The following FBLN5 variants were observed in gnomAD, a reference collection of about 807,000 sequenced individuals.
FBLN5 encodes fibulin 5, also known as fibulin-5.
In FBLN5, 24 loss-of-function variants were observed where a neutral mutation model predicts 61.6. The observed-to-expected ratio is 0.39, with a 90% CI of 0.28 to 0.55. The LOEUF is 0.55. Among genes scored for constraint, FBLN5 ranks in the 20% least tolerant of loss-of-function variants. The pLI, the probability that FBLN5 is intolerant of heterozygous loss-of-function variation, is 0.65. For missense variants in FBLN5, 470 were observed against 594.1 expected (o/e 0.79, Z 2.17); for synonymous variants, 213 against 219.8 (o/e 0.97, Z 0.27).
chr14:91,872,226 T>A (rs1888970884), intron 10 of FBLN5, among the ~76,000 whole-genome samples: 1 of 152,204 alleles, frequency 6.6e-6, no homozygotes, highest in African/African-American at 2.4e-5. Flanking sequence ...GGGCTTCCAT[T>A]CAGGTATTTC....
At position 91,947,165 on chromosome 14, in the gene FBLN5, A is replaced by ATCTCC; in HGVS notation, c.17+47_17+48insGGAGA. On this transcript the variant is annotated intron_variant, in intron 1 of 10. Coordinates refer to ENST00000342058, the MANE Select transcript of FBLN5 (RefSeq NM_006329.4). The surrounding 1 kb of genome is among the most constrained non-coding windows in gnomAD (Gnocchi z 4.3). ...ATTTTCCACCCATCGGATTTTTAGC[A>ATCTCC]AGGCTTCCAGACCCTGGAGAAAGAA... 1 of 1,613,664 alleles carries ATCTCC rather than the reference A, an allele frequency of 6.2e-7. No individual in the cohort carries two copies. The highest frequency in any genetic ancestry group is 8.5e-7 in the Non-Finnish European group (1 of 1,179,582).
rs759056069 is a variant in FBLN5 at position 91,891,207 on chromosome 14, T to A, written c.619+14A>T. On this transcript the variant is annotated intron_variant, in intron 6 of 10. Coordinates refer to ENST00000342058, the MANE Select transcript of FBLN5 (RefSeq NM_006329.4). Reference sequence around the variant, plus strand: ...GTCTCACATCATGTCCAAGTTATCATGCACGTCACATACCTTGGCAAGACC... The same window carrying A: ...GTCTCACATCATGTCCAAGTTATCAAGCACGTCACATACCTTGGCAAGACC... 5.6e-6 allele frequency: 8 copies of A among 1,421,398 alleles called. No individual in the cohort carries two copies. In the Admixed American group the frequency reaches 1.3e-4, roughly 24 times the overall value. 88.0% of individuals were successfully genotyped at this position (1,421,398 alleles called of 1,614,324 possible). A position where few individuals can be genotyped will look rare whatever the true frequency, so the allele number is the denominator to read the frequency against.
intron 3 of FBLN5, 140 bp from the exon 4 acceptor site, chr14:91,937,341 A>G: frequency 9.4e-7 from 1 of 1,064,640 alleles, no homozygotes; most frequent in Non-Finnish European, 1.4e-6. Flanking sequence ...GCGGTAAGGT[A>G]CCCCAAATGT....
At chr14:91,932,514 C>G (rs1431722206) in intron 4 of FBLN5, among the ~76,000 whole-genome samples, 2 of 152,130 alleles carry the variant, frequency 1.3e-5, no homozygotes, top group Non-Finnish European at 2.9e-5. Context: ...GGGTCCAAAC[C>G]CTAGAAAAAG....
chr14:91,878,430 C>A (rs751144268), intron 9 of FBLN5, among the ~76,000 whole-genome samples: 1 of 152,174 alleles, frequency 6.6e-6, no homozygotes, highest in Non-Finnish European at 1.5e-5. Flanking sequence ...ACCCCTAACA[C>A]CCCCTTCCTC....
intron 1 of FBLN5, among the ~76,000 whole-genome samples, chr14:91,946,556 C>T (rs1312907822): frequency 6.6e-6 from 1 of 152,108 alleles, no homozygotes; most frequent in African/African-American, 2.4e-5. Flanking sequence ...CAGACACATA[C>T]ATACGCACAC....
At chr14:91,931,794 T>C (rs2055928694) in intron 4 of FBLN5, among the ~76,000 whole-genome samples, 2 of 151,770 alleles carry the variant, frequency 1.3e-5, no homozygotes, top group Non-Finnish European at 2.9e-5. Flanking sequence ...GTTGACAGAG[T>C]TGAGTGGCGG....
At chr14:91,929,073 GT>G (rs2055878874) in intron 4 of FBLN5, among the ~76,000 whole-genome samples, 1 of 116,564 alleles carries the variant, frequency 8.6e-6, no homozygotes, top group South Asian at 2.8e-4. Flanking sequence ...AAAAGACCCT[GT>G]CTCAAAACAC....
chr14:91,879,504 A>G (rs919993699), intron 9 of FBLN5, among the ~76,000 whole-genome samples: 6 of 152,196 alleles, frequency 3.9e-5, no homozygotes, highest in Non-Finnish European at 7.3e-5. Context: ...GCGTCATGCC[A>G]GAGACTCCAC....
intron 4 of FBLN5, among the ~76,000 whole-genome samples, chr14:91,896,961 T>G (rs1234058028): frequency 6.6e-6 from 1 of 152,168 alleles, no homozygotes; most frequent in African/African-American, 2.4e-5. Flanking sequence ...AACGTTCAAC[T>G]GGGTGAGCAG....
intron 10 of FBLN5, among the ~76,000 whole-genome samples, chr14:91,872,833 A>C (rs1364663990): frequency 6.6e-6 from 1 of 152,206 alleles, no homozygotes; most frequent in Non-Finnish European, 1.5e-5. Flanking sequence ...CAGCCTTTAC[A>C]TATACAAATA....
chr14:91,944,809 T>TG (rs2056159067), intron 1 of FBLN5, among the ~76,000 whole-genome samples: 1 of 152,124 alleles, frequency 6.6e-6, no homozygotes, highest in African/African-American at 2.4e-5. Context: ...GAGGGGAAGA[T>TG]GGGGAATTGT....
In FBLN5 at chr14:91,882,938, C is replaced by G. The variant is rs762012103; in HGVS notation, c.862+16G>C. The G allele has an allele frequency of 2.3e-5, 37 of 1,613,236 alleles. No homozygotes were observed. Among genetic ancestry groups the G allele is most frequent in the Non-Finnish European group, 3.1e-5 (37 of 1,179,568 alleles). Reference sequence around the variant, plus strand: ...TCACACATACACCCCAGCCAGGCCCCTCCGGACAGCCTTACCTTGGCAGCT... The same window carrying G: ...TCACACATACACCCCAGCCAGGCCCGTCCGGACAGCCTTACCTTGGCAGCT... On this transcript the variant is annotated intron_variant, in intron 8 of 10. Transcript: ENST00000342058. The surrounding 1 kb of genome is among the most constrained non-coding windows in gnomAD (Gnocchi z 4.9).
At chr14:91,914,644 AG>A (rs1891110152) in intron 4 of FBLN5, among the ~76,000 whole-genome samples, 1 of 152,078 alleles carries the variant, frequency 6.6e-6, no homozygotes, top group Non-Finnish European at 1.5e-5. Context: ...AAATAAAAAA[AG>A]AAAAAAATTT....
intron 4 of FBLN5, among the ~76,000 whole-genome samples, chr14:91,907,651 A>C (rs1890737935): frequency 1.3e-5 from 2 of 152,088 alleles, no homozygotes. Context: ...TCGTGTGCCA[A>C]GCAAAGGAAG....
At chr14:91,900,543 A>G (rs1341734376) in intron 4 of FBLN5, among the ~76,000 whole-genome samples, 1 of 152,222 alleles carries the variant, frequency 6.6e-6, no homozygotes, top group African/African-American at 2.4e-5. Context: ...CCAAGCACCA[A>G]AGTTTAAAAG....
intron 8 of FBLN5, 66 bp from the exon 9 acceptor site, chr14:91,881,484 GGGGTA>G: frequency 6.3e-7 from 1 of 1,579,604 alleles, no homozygotes; most frequent in Non-Finnish European, 8.7e-7. Context: ...GCGTGGGGGT[GGGGTA>G]GGCTGGATCT....
chr14:91,910,943 CGG>C (rs1207081752), intron 4 of FBLN5, among the ~76,000 whole-genome samples: 2 of 151,802 alleles, frequency 1.3e-5, no homozygotes, highest in Non-Finnish European at 2.9e-5. Flanking sequence ...GCTTTGGGGT[CGG>C]ATCTGGTTCA....
At chr14:91,917,575 C>CAAAAAAAAAAAAAAAAAA (rs34458933) in intron 4 of FBLN5, among the ~76,000 whole-genome samples, 1 of 63,472 alleles carries the variant, frequency 1.6e-5, no homozygotes, top group African/African-American at 6.6e-5. Context: ...GACTCCATCT[C>CAAAAAAAAAAAAAAAAAA]AAAAAAAAAA....
Sources: allele counts gnomAD v4.1 joint callset (sites outside exome capture counted in the v4.1 genomes callset), GRCh38; gene constraint gnomAD v4.1.1; non-coding constraint Gnocchi (gnomAD v3.1); transcripts MANE v1.5; gene names NCBI Gene and HGNC (gene_info 2026-07-23, HGNC 2026-07-21).